MCTP1: variants seen among roughly 807,000 people sequenced by gnomAD.
MCTP1 encodes multiple C2 and transmembrane domain-containing protein 1.
A neutral mutation model predicts 120.6 loss-of-function variants in MCTP1; 69 were observed. The ratio of observed to expected loss-of-function variants is 0.57; its 90% CI spans 0.47 to 0.70. The LOEUF (loss-of-function observed/expected upper bound fraction) is 0.70. Ranked by LOEUF, MCTP1 falls within the 30% of genes least tolerant of loss-of-function variation. MCTP1 has a pLI of 0.00. For missense variants in MCTP1, 1,203 were observed against 1,248.8 expected (o/e 0.96, Z 0.55); for synonymous variants, 529 against 493.1 (o/e 1.07, Z -0.96).
intron 17 of MCTP1, among the ~76,000 whole-genome samples, chr5:94,832,021 C>T (rs1315753704): frequency 4.6e-5 from 7 of 152,160 alleles, no homozygotes; most frequent in Non-Finnish European, 1.0e-4. Flanking sequence ...CAAGTAGCAA[C>T]CTAGGACAAG....
chr5:95,198,147 A>G (rs983978852), intron 1 of MCTP1, among the ~76,000 whole-genome samples: 10 of 152,122 alleles, frequency 6.6e-5, no homozygotes, highest in Admixed American at 5.9e-4. Flanking sequence ...ATATACATAT[A>G]TGCACACACA....
intron 1 of MCTP1, among the ~76,000 whole-genome samples, chr5:95,268,064 G>A (rs1003356044): frequency 3.9e-5 from 6 of 152,322 alleles, no homozygotes; most frequent in Middle Eastern, 3.4e-3. Flanking sequence ...GATTGGGTTG[G>A]GACTTCTTAT....
At chr5:95,020,788 C>A (rs1233036334) in intron 1 of MCTP1, among the ~76,000 whole-genome samples, 2 of 151,830 alleles carry the variant, frequency 1.3e-5, no homozygotes, top group Non-Finnish European at 2.9e-5. Flanking sequence ...AAATAGGAAC[C>A]TATGTGTTTT....
At chr5:95,140,693 TAAAAAAAAAAAAAA>T (rs35248317) in intron 1 of MCTP1, among the ~76,000 whole-genome samples, 1,704 of 27,640 alleles carry the variant, frequency 0.062, 42 homozygotes, top group Admixed American at 0.12. Context: ...CTGTCCCTAC[TAAAAAAAAAAAAAA>T]AAAAAAAAAA....
chr5:94,716,494 C>T (rs561437308), intron 19 of MCTP1, among the ~76,000 whole-genome samples: 56 of 152,072 alleles, frequency 3.7e-4, no homozygotes, highest in African/African-American at 1.0e-3. Context: ...CTGCAAAGTT[C>T]GTCTGCCCCA....
chr5:95,099,766 T>C (rs1756576645), intron 1 of MCTP1, among the ~76,000 whole-genome samples: 1 of 151,070 alleles, frequency 6.6e-6, no homozygotes, highest in Admixed American at 6.6e-5. Flanking sequence ...AGCCATCCCA[T>C]TACTGGGTAT....
Position 94,894,692 on chromosome 5 carries a change from G to T in MCTP1, c.1796C>A (p.Ser599Tyr), listed in dbSNP as rs1803483510. The change falls in exon 11 of 23, where the codon TCC becomes TAC. Residue 599 changes from serine (S) to tyrosine (Y), a missense_variant. Ser to Tyr is a moderately radical substitution (Grantham distance 144, BLOSUM62 -2). Coordinates refer to ENST00000515393, the MANE Select transcript of MCTP1 (RefSeq NM_024717.7). Reference sequence around the variant, plus strand: ...CTCTCGTTCCTTCTGGTCCTCCAGGGAGTTGACAGACAGGTCAGAGATGCT... The same window carrying T: ...CTCTCGTTCCTTCTGGTCCTCCAGGTAGTTGACAGACAGGTCAGAGATGCT... ...TVSISDLSVN[S>Y]LEDQKEREEI... 2 of 1,612,638 alleles carry T rather than the reference G, an allele frequency of 1.2e-6. No homozygotes were observed. Among genetic ancestry groups the T allele is most frequent in the Non-Finnish European group, 1.7e-6 (2 of 1,178,850 alleles).
chr5:94,785,408 A>G (rs979783901), intron 18 of MCTP1, among the ~76,000 whole-genome samples: 7 of 152,204 alleles, frequency 4.6e-5, no homozygotes, highest in Middle Eastern at 3.4e-3. Flanking sequence ...GAGTAGGAAA[A>G]AATAGGTCAA....
chr5:94,902,036 C>T (rs900132526), intron 10 of MCTP1, among the ~76,000 whole-genome samples: 2 of 152,146 alleles, frequency 1.3e-5, no homozygotes, highest in Non-Finnish European at 2.9e-5. Context: ...CAGTGGCACC[C>T]TTTGGGGCTC....
chr5:94,778,997 G>C, intron 19 of MCTP1, 113 bp downstream of exon 19: 1 of 878,030 alleles, frequency 1.1e-6, no homozygotes, highest in Admixed American at 1.9e-5. Flanking sequence ...AAACAGCACT[G>C]TCCAATTTTC....
At chr5:94,716,754 G>GTT (rs35567543) in intron 19 of MCTP1, among the ~76,000 whole-genome samples, 66 of 145,382 alleles carry the variant, frequency 4.5e-4, no homozygotes, top group African/African-American at 1.4e-3. Flanking sequence ...TATATAAAAA[G>GTT]TTTTTTTTTT....
rs530681994 is a variant in MCTP1, at chr5:94,769,906, G to A, written c.2610+9204C>T. 3.9e-5 allele frequency among the ~76,000 whole-genome samples: 6 copies of A among 152,266 alleles called. No individual in the cohort carries two copies. The East Asian group carries it at 1.2e-3, about 29-fold the overall frequency. Reference sequence around the variant, plus strand: ...GACATCAAATGATGTCAACTCTACAGATATTCTGACATTTCTTTAATATTT... The same window carrying A: ...GACATCAAATGATGTCAACTCTACAAATATTCTGACATTTCTTTAATATTT... On this transcript the variant is annotated intron_variant, in intron 19 of 22. Transcript: ENST00000515393.
chr5:95,257,962 T>C (rs1022486792), intron 1 of MCTP1, among the ~76,000 whole-genome samples: 2 of 152,196 alleles, frequency 1.3e-5, no homozygotes, highest in Admixed American at 1.3e-4. Flanking sequence ...TAAATATCCA[T>C]TAGTCCACAC....
At chr5:95,283,317 G>A (rs1306974864) in intron 1 of MCTP1, among the ~76,000 whole-genome samples, 1 of 152,234 alleles carries the variant, frequency 6.6e-6, no homozygotes, top group African/African-American at 2.4e-5. Flanking sequence ...CTTGAAGGGC[G>A]GTGATCCAAT....
chr5:95,248,641 A>G (rs1272005498), intron 1 of MCTP1, among the ~76,000 whole-genome samples: 1 of 152,238 alleles, frequency 6.6e-6, no homozygotes, highest in African/African-American at 2.4e-5. Flanking sequence ...GCTACCTCTG[A>G]CTTTCTTCAC....
rs375278393 is a variant in MCTP1, at chr5:95,058,121, T to G, written c.721-40637A>C. ...AGCCTTATTGCTATTCATATTCTAA[T>G]GGGATAAAATAGCTGATGCTTCGGC... On this transcript the variant is annotated intron_variant, in intron 1 of 22. Coordinates refer to ENST00000515393, the MANE Select transcript of MCTP1 (RefSeq NM_024717.7). Among the ~76,000 whole-genome samples the G allele has an allele frequency of 5.3e-5, 8 of 152,340 alleles. No individual in the cohort carries two copies. The East Asian group carries it at 1.5e-3, about 29-fold the overall frequency.
chr5:95,275,408 T>C (rs1759748790), intron 1 of MCTP1, among the ~76,000 whole-genome samples: 1 of 152,146 alleles, frequency 6.6e-6, no homozygotes, highest in African/African-American at 2.4e-5. Flanking sequence ...GGGCAGGGGC[T>C]CCCTGGTCCA....
rs181628743 is a variant in MCTP1, at chr5:94,744,898, G to C, written c.2611-30012C>G. Among the ~76,000 whole-genome samples, 423 of 152,294 alleles carry C rather than the reference G, an allele frequency of 2.8e-3. 3 individuals carry two copies. The highest frequency in any genetic ancestry group is 4.6e-3 in the Non-Finnish European group (311 of 68,032). On this transcript the variant is annotated intron_variant, in intron 19 of 22. Coordinates refer to ENST00000515393, the MANE Select transcript of MCTP1 (RefSeq NM_024717.7). ...CAGCTCATTTCCCAAAATACAGTAA[G>C]GGGCTTTAACATTGGATTCAAATCC...
chr5:95,264,216 C>T (rs1041261537), intron 1 of MCTP1, among the ~76,000 whole-genome samples: 1 of 152,150 alleles, frequency 6.6e-6, no homozygotes, highest in African/African-American at 2.4e-5. Context: ...AAGTTCTTTG[C>T]TAAAATTCTA....
Sources: gnomAD v4.1 joint callset for allele counts (sites outside exome capture counted in the v4.1 genomes callset) on GRCh38, gnomAD v4.1.1 for gene constraint, MANE v1.5 for transcripts, NCBI Gene and HGNC (gene_info 2026-07-23, HGNC 2026-07-21) for gene names.